Variants in BBX observed in about 807,000 individuals in gnomAD.
BBX encodes the protein BBX high mobility group box domain containing.
Under a neutral mutation model 100.2 loss-of-function variants are expected in BBX, and 30 were observed. That is an observed-to-expected ratio of 0.30 (90% CI 0.22 to 0.41). The LOEUF (loss-of-function observed/expected upper bound fraction) is 0.41, where lower values mean the gene tolerates loss of function less well. Ranked by LOEUF, BBX falls within the 10% of genes least tolerant of loss-of-function variation. The pLI, the probability that BBX is intolerant of heterozygous loss-of-function variation, is 1.00. For missense variants in BBX, 1,023 were observed against 1,129.8 expected (o/e 0.91, Z 1.35); for synonymous variants, 376 against 388.1 (o/e 0.97, Z 0.37).
intron 1 of BBX, among the ~76,000 whole-genome samples, chr3:107,524,935 T>C (rs2047642872): frequency 6.6e-6 from 1 of 151,636 alleles, no homozygotes; most frequent in African/African-American, 2.4e-5. Context: ...CGTCCAGTTC[T>C]CTTCTCCCGG....
intron 2 of BBX, among the ~76,000 whole-genome samples, chr3:107,556,440 C>T (rs573723856): frequency 1.3e-5 from 2 of 152,122 alleles, no homozygotes; most frequent in East Asian, 3.9e-4. Context: ...CTTTCAGAGC[C>T]CTTCTCCCTG....
At chr3:107,671,677 G>A (rs780581678) in intron 3 of BBX, among the ~76,000 whole-genome samples, 9 of 152,020 alleles carry the variant, frequency 5.9e-5, no homozygotes, top group Non-Finnish European at 1.3e-4. Context: ...AAAATTGAGC[G>A]CTGCAGAATA....
intron 2 of BBX, among the ~76,000 whole-genome samples, chr3:107,620,966 G>A (rs1007516726): frequency 6.6e-6 from 1 of 151,796 alleles, no homozygotes; most frequent in Non-Finnish European, 1.5e-5. Flanking sequence ...GGAGAAAATC[G>A]GAGGTCACTA....
rs112931812 is a variant in BBX, at chr3:107,774,762, G to A, written c.1959G>A (p.Gly653=). The A allele has an allele frequency of 8.7e-6, 14 of 1,613,570 alleles. No individual in the cohort carries two copies. Among genetic ancestry groups the A allele is most frequent in the African/African-American group, 5.3e-5 (4 of 75,008 alleles). The stretch of plus-strand genomic sequence containing the variant: ...AAGGAAACTCCTCTGATCATGAAGG[G>A]TGTTGGAATGAAGAAAGCTGGACAT... The part of the protein sequence containing the change: ...SGKGNSSDHE[G]CWNEESWTFS... Residue 653 remains glycine, a synonymous_variant, in exon 12 of 18, where the codon GGG becomes GGA. Coordinates refer to ENST00000325805, the MANE Select transcript of BBX (RefSeq NM_001142568.3).
At chr3:107,636,016 T>C (rs1179990456) in intron 2 of BBX, among the ~76,000 whole-genome samples, 1 of 152,176 alleles carries the variant, frequency 6.6e-6, no homozygotes, top group Non-Finnish European at 1.5e-5. Flanking sequence ...GGAGTACTTT[T>C]ATTTCAACAA....
chr3:107,786,766 C>G (rs1160991293), intron 13 of BBX, among the ~76,000 whole-genome samples: 1 of 152,040 alleles, frequency 6.6e-6, no homozygotes, highest in African/African-American at 2.4e-5. Context: ...AAAGCCCAAG[C>G]AACAAAAGAC....
chr3:107,798,230 T>C (rs2069959872), intron 15 of BBX, among the ~76,000 whole-genome samples: 1 of 152,212 alleles, frequency 6.6e-6, no homozygotes, highest in African/African-American at 2.4e-5. Context: ...CATAATTTAC[T>C]CAGATTTACC....
At chr3:107,679,832 A>G (rs2059482690) in intron 3 of BBX, among the ~76,000 whole-genome samples, 1 of 152,028 alleles carries the variant, frequency 6.6e-6, no homozygotes, top group South Asian at 2.1e-4. Context: ...ATTAAAAATT[A>G]CTCTTCCCCA....
At chr3:107,569,672 C>A (rs2051197491) in intron 2 of BBX, among the ~76,000 whole-genome samples, 1 of 152,126 alleles carries the variant, frequency 6.6e-6, no homozygotes, top group East Asian at 1.9e-4. Context: ...AGAATGTTGT[C>A]CAAGTTGGCA....
chr3:107,741,618 C>A (rs2064116505), intron 7 of BBX, among the ~76,000 whole-genome samples: 1 of 151,992 alleles, frequency 6.6e-6, no homozygotes, highest in Non-Finnish European at 1.5e-5. Flanking sequence ...GAACAAATAT[C>A]TTTGACTATT....
rs1336911763 is a variant in BBX at position 107,810,046 on chromosome 3, ATAT to A, written c.*4592_*4594del. The A allele has an allele frequency of 2.0e-5, 3 of 152,160 alleles. No individual in the cohort carries two copies. The highest frequency in any genetic ancestry group is 7.2e-5 in the African/African-American group (3 of 41,440). The allele number at this position is 152,160 out of a possible 1,614,324, so 9.4% of individuals were successfully genotyped here. A position where few individuals can be genotyped will look rare whatever the true frequency, so the allele number is the denominator to read the frequency against. ...GTGATAGCTAAGTTTATTATACTCT[ATAT>A]TAAACAACTTTGTTCATTTCACTGA... On this transcript the variant is annotated 3_prime_UTR_variant, in exon 18 of 18. Transcript: ENST00000325805.
At chr3:107,713,494 G>A (rs2061862650) in intron 4 of BBX, among the ~76,000 whole-genome samples, 1 of 151,938 alleles carries the variant, frequency 6.6e-6, no homozygotes, top group South Asian at 2.1e-4. Flanking sequence ...TGAGCTCCTG[G>A]GGAAAGAAAA....
At chr3:107,523,989 G>C (rs1437292339) in intron 1 of BBX, 3 of 152,070 alleles carry the variant, frequency 2.0e-5, no homozygotes, top group Non-Finnish European at 1.5e-5. Flanking sequence ...GAGGGAAGGG[G>C]GGGGAGAGAG....
At chr3:107,544,130 C>A (rs1186117563) in intron 2 of BBX, among the ~76,000 whole-genome samples, 1 of 152,184 alleles carries the variant, frequency 6.6e-6, no homozygotes, top group Non-Finnish European at 1.5e-5. Context: ...GAGTTCTGCT[C>A]CTGGGAGTTC....
intron 2 of BBX, among the ~76,000 whole-genome samples, chr3:107,613,378 A>G (rs1268846692): frequency 1.3e-5 from 2 of 148,750 alleles, no homozygotes; most frequent in African/African-American, 2.5e-5. Context: ...TTTATCTCGT[A>G]TCCTAAAATA....
At chr3:107,707,897 G>A (rs1292992263) in intron 3 of BBX, among the ~76,000 whole-genome samples, 1 of 152,084 alleles carries the variant, frequency 6.6e-6, no homozygotes, top group Non-Finnish European at 1.5e-5. Flanking sequence ...AATTTTGGGG[G>A]CTAAAGATTT....
intron 2 of BBX, among the ~76,000 whole-genome samples, chr3:107,600,363 A>G (rs2053978334): frequency 6.6e-6 from 1 of 152,260 alleles, no homozygotes; most frequent in Admixed American, 6.5e-5. Flanking sequence ...ATAACATTTT[A>G]TCATGTGCGT....
chr3:107,637,066 T>A (rs967663290), intron 2 of BBX, among the ~76,000 whole-genome samples: 1 of 152,204 alleles, frequency 6.6e-6, no homozygotes, highest in African/African-American at 2.4e-5. Flanking sequence ...ATTAACTTTT[T>A]AAAAAATAAT....
At chr3:107,714,752 A>G (rs1440741004) in intron 4 of BBX, among the ~76,000 whole-genome samples, 1 of 152,110 alleles carries the variant, frequency 6.6e-6, no homozygotes, top group Non-Finnish European at 1.5e-5. Flanking sequence ...AAGATAATTA[A>G]TGGTTAATTG....
Sources: gnomAD v4.1 joint callset for allele counts (sites outside exome capture counted in the v4.1 genomes callset) on GRCh38, gnomAD v4.1.1 for gene constraint, MANE v1.5 for transcripts, NCBI Gene and HGNC (gene_info 2026-07-23, HGNC 2026-07-21) for gene names.